ADCY10: variants seen among roughly 807,000 people sequenced by gnomAD.
The protein encoded by ADCY10 is adenylate cyclase 10.
In ADCY10, 156 loss-of-function variants were observed where a neutral mutation model predicts 183.3. That is an observed-to-expected ratio of 0.85 (90% confidence interval 0.75 to 0.97). ADCY10 has a LOEUF of 0.97. Among genes scored for constraint, ADCY10 ranks in the 50% least tolerant of loss-of-function variants. ADCY10 has a pLI of 0.00. For synonymous variants in ADCY10, 645 were observed against 670.0 expected (o/e 0.96, Z 0.58); for missense variants, 1,745 against 1,934.3 (o/e 0.90, Z 1.84).
chr1:167,909,267 C>G (rs78841453), intron 1 of ADCY10, among the ~76,000 whole-genome samples: 1 of 152,072 alleles, frequency 6.6e-6, no homozygotes, highest in Admixed American at 6.5e-5. Flanking sequence ...TACCACAAAA[C>G]ATTTATCCAC....
At chr1:167,827,673 A>G (rs975581552) in intron 26 of ADCY10, among the ~76,000 whole-genome samples, 2 of 151,840 alleles carry the variant, frequency 1.3e-5, no homozygotes, top group Admixed American at 6.6e-5. Flanking sequence ...CATGAGGTCA[A>G]AGCTAGTTCC....
intron 1 of ADCY10, among the ~76,000 whole-genome samples, chr1:167,911,178 T>C (rs1357150678): frequency 6.6e-6 from 1 of 152,158 alleles, no homozygotes; most frequent in Non-Finnish European, 1.5e-5. Flanking sequence ...TTAGGAAGTG[T>C]TGAATAGCTA....
At chr1:167,849,632 A>G (rs1299943475) in intron 18 of ADCY10, among the ~76,000 whole-genome samples, 1 of 152,230 alleles carries the variant, frequency 6.6e-6, no homozygotes, top group Non-Finnish European at 1.5e-5. Flanking sequence ...AGCCCTCAAG[A>G]GGCTTAAAAA....
chr1:167,862,286 A>T (rs2102059797), intron 14 of ADCY10, among the ~76,000 whole-genome samples: 1 of 152,340 alleles, frequency 6.6e-6, no homozygotes, highest in Non-Finnish European at 1.5e-5. Flanking sequence ...ATTAGTTAAG[A>T]TGAGATCATG....
intron 12 of ADCY10, among the ~76,000 whole-genome samples, chr1:167,875,882 G>T (rs570389712): frequency 6.6e-6 from 1 of 152,244 alleles, no homozygotes; most frequent in Admixed American, 6.5e-5. Flanking sequence ...GAACCCGGGA[G>T]GGGGAGCTTG....
intron 31 of ADCY10, among the ~76,000 whole-genome samples, chr1:167,813,873 G>T (rs140408692): frequency 8.4e-4 from 128 of 152,208 alleles, no homozygotes; most frequent in African/African-American, 2.8e-3. Context: ...AACTGAAAGG[G>T]GTGGGAAGCT....
chr1:167,830,383 A>C (rs1350942539), intron 25 of ADCY10, among the ~76,000 whole-genome samples: 2 of 129,286 alleles, frequency 1.5e-5, no homozygotes, highest in African/African-American at 2.8e-5. Context: ...TTTAGTTTAC[A>C]AAAAAAAAAA....
Position 167,811,709 on chromosome 1 carries a change from G to A in ADCY10, c.4483-796C>T, listed in dbSNP as rs139955110. Among the ~76,000 whole-genome samples the A allele has an allele frequency of 4.8e-4, 73 of 152,310 alleles. 2 individuals carry two copies. The East Asian group carries it at 8.5e-3, about 18-fold the overall frequency. On this transcript the variant is annotated intron_variant, in intron 31 of 32. Coordinates refer to ENST00000367851, the MANE Select transcript of ADCY10 (RefSeq NM_018417.6). Reference sequence around the variant, plus strand: ...AAGACTGGAGAGACAAACAGATGGAGACTCACAAGTGGAAACCACTGTGGG... The same window carrying A: ...AAGACTGGAGAGACAAACAGATGGAAACTCACAAGTGGAAACCACTGTGGG...
chr1:167,878,581 AT>A lies in ADCY10; in HGVS notation c.1270del (p.Ile424LeufsTer2). On this transcript the variant is annotated frameshift_variant, in exon 12 of 33. Transcript: ENST00000367851. LOFTEE classifies it high-confidence loss of function. ...GTAGGTGACAGAGTCGCAGGTCACA[AT>A]TCCTGGGTAGTACATCATCATCCTG... Reference protein sequence around the residue: ...AARMMMYYPGIVTCDSVTYNG... With the variant: ...AARMMMYYPGXVTCDSVTYNG... The A allele has an allele frequency of 6.2e-7, 1 of 1,614,184 alleles. No individual in the cohort carries two copies. Among genetic ancestry groups the A allele is most frequent in the East Asian group, 2.2e-5 (1 of 44,882 alleles).
intron 1 of ADCY10, among the ~76,000 whole-genome samples, chr1:167,913,716 G>C (rs1571493528): frequency 6.6e-6 from 1 of 150,966 alleles, no homozygotes; most frequent in East Asian, 2.2e-4. Flanking sequence ...GATATCACGT[G>C]AGAAACTGCA....
intron 31 of ADCY10, among the ~76,000 whole-genome samples, chr1:167,814,747 A>G (rs1344128645): frequency 6.6e-6 from 1 of 152,206 alleles, no homozygotes. Context: ...GATACACAAC[A>G]TTAGAAATGT....
chr1:167,810,749 C>G lies in ADCY10; in HGVS notation c.4647G>C (p.Glu1549Asp). The change falls in exon 32 of 33, where the codon GAG (glutamate) becomes GAC (aspartate). Residue 1549 changes from glutamate to aspartate, a missense_variant. Coordinates refer to ENST00000367851, the MANE Select transcript of ADCY10 (RefSeq NM_018417.6). Reference sequence around the variant, plus strand: ...CTTTGTTCATGTTCAGCCAGCATTTCTCCAGTATATTCCCCTGTGTTTCAG... The same window carrying G: ...CTTTGTTCATGTTCAGCCAGCATTTGTCCAGTATATTCCCCTGTGTTTCAG... Reference protein sequence around the residue: ...RLSETQGNILEKCWLNMNKES... With the variant: ...RLSETQGNILDKCWLNMNKES... The G allele has an allele frequency of 6.2e-7, 1 of 1,614,180 alleles. No homozygotes were observed.
At chr1:167,875,937 A>G (rs1472933689) in intron 12 of ADCY10, among the ~76,000 whole-genome samples, 1 of 151,532 alleles carries the variant, frequency 6.6e-6, no homozygotes, top group African/African-American at 2.4e-5. Flanking sequence ...TGGGCAGCAG[A>G]GCCAGACTCC....
chr1:167,860,554 G>A (rs868138270), intron 15 of ADCY10, among the ~76,000 whole-genome samples: 1 of 152,308 alleles, frequency 6.6e-6, no homozygotes, highest in Middle Eastern at 3.4e-3. Context: ...AAAAGACAGG[G>A]CACAGTCTGC....
chr1:167,889,832 A>C (rs1162131776), intron 8 of ADCY10, among the ~76,000 whole-genome samples: 2 of 152,212 alleles, frequency 1.3e-5, no homozygotes, highest in Non-Finnish European at 1.5e-5. Flanking sequence ...ATAATTGCTC[A>C]TAGTAGCCAC....
At position 167,860,866 on chromosome 1, in the gene ADCY10, G is replaced by C. The variant is rs367762608; in HGVS notation, c.1809+5C>G. 6.2e-7 allele frequency: 1 copy of C among 1,613,136 alleles called. No individual in the cohort carries two copies. The highest frequency in any genetic ancestry group is 1.7e-5 in the Admixed American group (1 of 60,016). On this transcript the variant is annotated splice_donor_5th_base_variant and intron_variant, in intron 15 of 32. Transcript: ENST00000367851. ...TTGTGCAGAAGTATAATACTAGCTAGTTACCTGAACATGGAAAATGTCATT... is the reference window on the plus strand; with the variant it reads ...TTGTGCAGAAGTATAATACTAGCTACTTACCTGAACATGGAAAATGTCATT...
At chr1:167,910,600 T>C (rs551653963) in intron 1 of ADCY10, among the ~76,000 whole-genome samples, 9 of 152,298 alleles carry the variant, frequency 5.9e-5, no homozygotes, top group Middle Eastern at 3.4e-3. Context: ...TTAAAGTTCA[T>C]GGGAAGTATG....
chr1:167,835,028 C>G (rs2902466), intron 23 of ADCY10, among the ~76,000 whole-genome samples: 1 of 152,004 alleles, frequency 6.6e-6, no homozygotes, highest in African/African-American at 2.4e-5. Context: ...ACATTTTTAA[C>G]AGTTTAATTT....
intron 18 of ADCY10, among the ~76,000 whole-genome samples, chr1:167,852,209 G>A (rs1448071740): frequency 1.3e-5 from 2 of 152,262 alleles, no homozygotes; most frequent in East Asian, 3.9e-4. Flanking sequence ...TTGGGAGCCC[G>A]AGGCGGGCAG....
Sources: allele counts gnomAD v4.1 joint callset (sites outside exome capture counted in the v4.1 genomes callset), GRCh38; gene constraint gnomAD v4.1.1; transcripts MANE v1.5; gene names NCBI Gene and HGNC (gene_info 2026-07-23, HGNC 2026-07-21).